The following TDRD3 variants were observed in gnomAD, a reference collection of about 807,000 sequenced individuals.
TDRD3 encodes tudor domain containing 3.
Under a neutral mutation model 86.7 loss-of-function variants are expected in TDRD3, and 45 were observed. The ratio of observed to expected loss-of-function variants is 0.52; its 90% CI spans 0.41 to 0.67. TDRD3 has a LOEUF of 0.67. Ranked by LOEUF, TDRD3 falls within the 30% of genes least tolerant of loss-of-function variation. The probability of loss-of-function intolerance (pLI) is 0.00; values close to 1 mark genes in which losing one functional copy is unlikely to be tolerated. For synonymous variants in TDRD3, 298 were observed against 301.7 expected, an observed-to-expected ratio of 0.99 and a Z score of 0.13; for missense variants, 814 against 889.0, an observed-to-expected ratio of 0.92 and a Z score of 1.07.
chr13:60,422,866 C>G (rs1954697772), intron 1 of TDRD3, among the ~76,000 whole-genome samples: 1 of 151,996 alleles, frequency 6.6e-6, no homozygotes, highest in East Asian at 1.9e-4. Flanking sequence ...AAAACCAAAA[C>G]AATTGAAAAG....
intron 5 of TDRD3, among the ~76,000 whole-genome samples, chr13:60,479,371 G>C (rs997131098): frequency 3.3e-5 from 5 of 152,178 alleles, no homozygotes; most frequent in Admixed American, 3.3e-4. Context: ...TGCTTGGTAT[G>C]ATTTTGATTA....
chr13:60,528,187 C>T (rs908429654), intron 10 of TDRD3, among the ~76,000 whole-genome samples, 180 bp from the exon 11 acceptor site: 1 of 152,022 alleles, frequency 6.6e-6, no homozygotes, highest in Non-Finnish European at 1.5e-5. Flanking sequence ...GAAAACTGTA[C>T]ATTAGAAATG....
In TDRD3 at chr13:60,503,639, C is replaced by T. The variant is rs75077754; in HGVS notation, c.859-6124C>T. Among the ~76,000 whole-genome samples the T allele has an allele frequency of 6.2e-3, 947 of 152,154 alleles. 8 individuals carry two copies. The highest frequency in any genetic ancestry group is 0.021 in the African/African-American group (886 of 41,508). ...TGAACCATCCAGAAAGCAAGGTATC[C>T]GGAAAGAAAATTTTGAAACTTGAAG... On this transcript the variant is annotated intron_variant, in intron 8 of 13. Coordinates refer to ENST00000377881, the MANE Select transcript of TDRD3 (RefSeq NM_001146070.2).
At chr13:60,566,263 C>A (rs951190200) in intron 12 of TDRD3, among the ~76,000 whole-genome samples, 2 of 143,510 alleles carry the variant, frequency 1.4e-5, no homozygotes, top group South Asian at 2.2e-4. Flanking sequence ...AATAATAGTT[C>A]TTTTTTTTTT....
intron 8 of TDRD3, among the ~76,000 whole-genome samples, chr13:60,505,047 T>C (rs1956906981): frequency 6.6e-6 from 1 of 152,146 alleles, no homozygotes; most frequent in African/African-American, 2.4e-5. Flanking sequence ...GCAGGAGTTA[T>C]TTTTTCATAC....
intron 5 of TDRD3, among the ~76,000 whole-genome samples, chr13:60,479,554 A>G (rs1036672922): frequency 6.6e-6 from 1 of 152,088 alleles, no homozygotes; most frequent in Non-Finnish European, 1.5e-5. Context: ...TTTTTGTGTT[A>G]TGTTTCTGCA....
At chr13:60,506,037 C>CA (rs1418675449) in intron 8 of TDRD3, among the ~76,000 whole-genome samples, 8 of 152,050 alleles carry the variant, frequency 5.3e-5, no homozygotes, top group Non-Finnish European at 8.8e-5. Context: ...GAGAACACCA[C>CA]AAAAATACTC....
intron 5 of TDRD3, among the ~76,000 whole-genome samples, chr13:60,474,661 A>G (rs373095878): frequency 1.3e-5 from 2 of 152,206 alleles, no homozygotes; most frequent in South Asian, 2.1e-4. Flanking sequence ...TGGTTTTGTT[A>G]TATACTTTAC....
chr13:60,476,129 A>G (rs117159278), intron 5 of TDRD3, among the ~76,000 whole-genome samples: 6,898 of 152,196 alleles, frequency 0.045, 213 homozygotes, highest in Non-Finnish European at 0.065. Flanking sequence ...TAGTCTCAAG[A>G]AGGGTATTTC....
intron 12 of TDRD3, 151 bp downstream of exon 12, chr13:60,535,384 A>G (rs552685576): frequency 1.0e-4 from 71 of 695,808 alleles, no homozygotes; most frequent in African/African-American, 5.8e-4. Context: ...TTTTAATTCA[A>G]TGCTTACACT....
At position 60,510,749 on chromosome 13, in the gene TDRD3, G is replaced by T; in HGVS notation, c.1135G>T (p.Val379Leu). Reference protein sequence around the residue: ...FLESKMGTLNVEEPKSQPQQL... With the variant: ...FLESKMGTLNLEEPKSQPQQL... Reference sequence around the variant, plus strand: ...GGAATCTAAAATGGGAACTTTGAATGTGGAAGGTAAGCTAATTTAAAGTTG... The same window carrying T: ...GGAATCTAAAATGGGAACTTTGAATTTGGAAGGTAAGCTAATTTAAAGTTG... Residue 379 changes from valine (V) to leucine (L), a missense_variant, in exon 10 of 14, where the codon GTG becomes TTG. Transcript: ENST00000377881. The T allele has an allele frequency of 5.2e-6, 8 of 1,549,648 alleles. No individual in the cohort carries two copies. Among genetic ancestry groups the T allele is most frequent in the South Asian group, 1.3e-5 (1 of 78,474 alleles).
At chr13:60,406,570 C>T (rs1954239671) in intron 1 of TDRD3, among the ~76,000 whole-genome samples, 1 of 152,120 alleles carries the variant, frequency 6.6e-6, no homozygotes, top group Non-Finnish European at 1.5e-5. Flanking sequence ...AGGCTAGGTT[C>T]AAGTACTGAG....
At chr13:60,440,042 C>T (rs1313679806) in intron 2 of TDRD3, among the ~76,000 whole-genome samples, 3 of 151,924 alleles carry the variant, frequency 2.0e-5, no homozygotes, top group African/African-American at 2.4e-5. Context: ...ACTTTTTTAA[C>T]ATTTACAATA....
intron 10 of TDRD3, among the ~76,000 whole-genome samples, chr13:60,520,215 C>T (rs565392139): frequency 3.3e-5 from 5 of 152,118 alleles, no homozygotes; most frequent in Non-Finnish European, 5.9e-5. Flanking sequence ...AATAATTATA[C>T]AAATTATAAT....
intron 1 of TDRD3, among the ~76,000 whole-genome samples, chr13:60,435,977 T>C (rs1955087531): frequency 6.7e-6 from 1 of 150,114 alleles, no homozygotes; most frequent in African/African-American, 2.4e-5. Flanking sequence ...TGGTTTCTCA[T>C]TGTGGTTTTG....
At chr13:60,498,205 G>A (rs373576051) in intron 8 of TDRD3, among the ~76,000 whole-genome samples, 22 of 152,204 alleles carry the variant, frequency 1.4e-4, no homozygotes, top group South Asian at 2.1e-4. Context: ...CTTGAGCAAC[G>A]CCTTGCAAAA....
At chr13:60,497,043 T>C (rs1230012959) in intron 8 of TDRD3, among the ~76,000 whole-genome samples, 1 of 152,148 alleles carries the variant, frequency 6.6e-6, no homozygotes, top group African/African-American at 2.4e-5. Flanking sequence ...GACTTAGCCA[T>C]ACAGGAACAA....
At chr13:60,492,206 C>G (rs558924472) in intron 7 of TDRD3, among the ~76,000 whole-genome samples, 33 of 152,196 alleles carry the variant, frequency 2.2e-4, no homozygotes, top group Admixed American at 1.8e-3. Context: ...GAAGATGGGA[C>G]TATTTCACTG....
At chr13:60,442,798 TG>T (rs1955310960) in intron 2 of TDRD3, among the ~76,000 whole-genome samples, 1 of 152,040 alleles carries the variant, frequency 6.6e-6, no homozygotes, top group Non-Finnish European at 1.5e-5. Flanking sequence ...GTAAATTAAC[TG>T]GGTTTAGAGA....
Sources: allele counts gnomAD v4.1 joint callset (sites outside exome capture counted in the v4.1 genomes callset), GRCh38; gene constraint gnomAD v4.1.1; transcripts MANE v1.5; gene names NCBI Gene and HGNC (gene_info 2026-07-23, HGNC 2026-07-21).